MYO9A: variants seen among roughly 807,000 people sequenced by gnomAD.
The protein encoded by MYO9A is myosin IXA.
Under a neutral mutation model 293.3 loss-of-function variants are expected in MYO9A, and 103 were observed. The observed-to-expected ratio is 0.35, with a 90% CI of 0.30 to 0.41. The LOEUF (loss-of-function observed/expected upper bound fraction) is 0.41. MYO9A is among the 10% of genes least tolerant of loss of function. The probability of loss-of-function intolerance (pLI) is 1.00; values close to 1 mark genes in which losing one functional copy is unlikely to be tolerated. For synonymous variants in MYO9A, 1,001 were observed against 1,035.7 expected (o/e 0.97, Z 0.64); for missense variants, 2,685 against 3,033.0 (o/e 0.89, Z 2.69).
intron 13 of MYO9A, among the ~76,000 whole-genome samples, chr15:71,966,923 A>G (rs149280457): frequency 1.2e-3 from 177 of 152,186 alleles, no homozygotes; most frequent in African/African-American, 3.6e-3. Flanking sequence ...CCCCCTGTCT[A>G]TTCTCTAAGT....
chr15:71,966,265 A>AGTTGTGTGT (rs1555493719), intron 13 of MYO9A, among the ~76,000 whole-genome samples: 1 of 134,954 alleles, frequency 7.4e-6, no homozygotes, highest in East Asian at 2.2e-4. Flanking sequence ...ATCCCAGGCA[A>AGTTGTGTGT]GTGTGTGTGT....
At chr15:71,856,474 C>A (rs771646488) in intron 34 of MYO9A, among the ~76,000 whole-genome samples, 1 of 151,664 alleles carries the variant, frequency 6.6e-6, no homozygotes, top group Non-Finnish European at 1.5e-5. Context: ...TGATGTTCAA[C>A]CTTAGTGTTG....
chr15:71,830,959 A>G (rs1159978030), intron 39 of MYO9A, among the ~76,000 whole-genome samples: 1 of 142,532 alleles, frequency 7.0e-6, no homozygotes, highest in African/African-American at 2.6e-5. Flanking sequence ...TGAAAATCTC[A>G]TTGCTGCTTC....
At chr15:72,048,225 C>A (rs987221264) in intron 1 of MYO9A, among the ~76,000 whole-genome samples, 6 of 151,652 alleles carry the variant, frequency 4.0e-5, no homozygotes, top group African/African-American at 1.5e-4. Context: ...CATGGTGAAA[C>A]CCTGTCTGTA....
intron 1 of MYO9A, among the ~76,000 whole-genome samples, chr15:72,088,817 C>A (rs998282367): frequency 1.2e-4 from 19 of 152,222 alleles, no homozygotes; most frequent in Non-Finnish European, 2.2e-4. Flanking sequence ...CTTAAAAAAA[C>A]TGCTCTTCAA....
At chr15:71,875,385 T>C (rs1162022406) in intron 32 of MYO9A, among the ~76,000 whole-genome samples, 4 of 152,136 alleles carry the variant, frequency 2.6e-5, no homozygotes, top group Non-Finnish European at 4.4e-5. Context: ...ATTGTGTGAT[T>C]GTATATAAAC....
intron 24 of MYO9A, among the ~76,000 whole-genome samples, chr15:71,899,324 A>C (rs2057417803): frequency 6.6e-6 from 1 of 151,900 alleles, no homozygotes; most frequent in Non-Finnish European, 1.5e-5. Context: ...ACCTCAAATT[A>C]AAGTGAAATT....
At chr15:72,069,589 C>T (rs1000263328) in intron 1 of MYO9A, among the ~76,000 whole-genome samples, 1 of 152,016 alleles carries the variant, frequency 6.6e-6, no homozygotes, top group East Asian at 1.9e-4. Flanking sequence ...TAATTTGTGA[C>T]AAACCACTTA....
intron 37 of MYO9A, among the ~76,000 whole-genome samples, chr15:71,850,765 C>CA (rs780727961): frequency 0.022 from 987 of 44,078 alleles, 255 homozygotes; most frequent in Non-Finnish European, 0.029. Context: ...AACTGTGTCT[C>CA]AAAAAAAAAA....
chr15:71,895,653 CA>C (rs1453075757), intron 25 of MYO9A, among the ~76,000 whole-genome samples: 2 of 152,002 alleles, frequency 1.3e-5, no homozygotes, highest in Non-Finnish European at 2.9e-5. Flanking sequence ...ACTTATACAA[CA>C]GGATGAGATT....
intron 30 of MYO9A, 63 bp from the exon 31 acceptor site, chr15:71,878,294 G>C: frequency 8.6e-7 from 1 of 1,160,054 alleles, no homozygotes; most frequent in Non-Finnish European, 1.2e-6. Context: ...ATAGAGGAAA[G>C]ATTACACTTG....
chr15:72,040,304 G>A (rs1477201756), intron 2 of MYO9A: 5 of 152,214 alleles, frequency 3.3e-5, no homozygotes, highest in African/African-American at 1.2e-4. Context: ...TTCTTTAGAG[G>A]GGAGAATGAG....
intron 1 of MYO9A, among the ~76,000 whole-genome samples, chr15:72,079,231 C>T (rs2079464992): frequency 6.6e-6 from 1 of 151,882 alleles, no homozygotes; most frequent in South Asian, 2.1e-4. Flanking sequence ...AGGTGATATC[C>T]GGAAACTCCG....
intron 19 of MYO9A, among the ~76,000 whole-genome samples, chr15:71,908,838 T>C (rs139602610): frequency 1.3e-4 from 20 of 152,326 alleles, no homozygotes; most frequent in African/African-American, 4.3e-4. Context: ...AACAAATATA[T>C]AGACATTTAT....
chr15:72,105,487 G>A (rs552687027), intron 1 of MYO9A, among the ~76,000 whole-genome samples: 12 of 146,968 alleles, frequency 8.2e-5, no homozygotes, highest in South Asian at 2.2e-4. Flanking sequence ...TCAGCCTCCC[G>A]AAATGCTGGG....
rs191475907 is a variant in MYO9A at position 72,107,340 on chromosome 15, G to T, written c.-72+10340C>A. Among the ~76,000 whole-genome samples the T allele has an allele frequency of 5.3e-5, 8 of 152,248 alleles. No homozygotes were observed. In the East Asian group the frequency reaches 1.5e-3, roughly 29 times the overall value. On this transcript the variant is annotated intron_variant, in intron 1 of 41. Transcript: ENST00000356056. ...GAGGCAGGCAGATCACCTGAGGTCA[G>T]GAGTCCCAGACCAGCCTGGTCAACA...
At chr15:71,904,461 T>C (rs2057572834) in intron 20 of MYO9A, among the ~76,000 whole-genome samples, 1 of 152,226 alleles carries the variant, frequency 6.6e-6, no homozygotes, top group African/African-American at 2.4e-5. Context: ...AAGACCAGCC[T>C]GGCCAACATG....
chr15:71,899,908 A>C lies in MYO9A; in HGVS notation c.3249T>G (p.Ala1083=), dbSNP rs768859712. The change falls in exon 24 of 42, where the codon GCT becomes GCG. Residue 1083 remains alanine (A), a synonymous_variant. Coordinates refer to ENST00000356056, the MANE Select transcript of MYO9A (RefSeq NM_006901.4). ...VMASAAALLQ[A]SWRAHLERQR... Reference sequence around the variant, plus strand: ...GCCTCTCTAAGTGAGCACGCCAGGAAGCTTGGAGAAGAGCAGCTGCACTAG... The same window carrying C: ...GCCTCTCTAAGTGAGCACGCCAGGACGCTTGGAGAAGAGCAGCTGCACTAG... The C allele has an allele frequency of 3.7e-6, 6 of 1,613,992 alleles. No homozygotes were observed. The highest frequency in any genetic ancestry group is 4.2e-6 in the Non-Finnish European group (5 of 1,180,040).
At chr15:71,884,838 T>A (rs893475185) in intron 27 of MYO9A, among the ~76,000 whole-genome samples, 4 of 152,068 alleles carry the variant, frequency 2.6e-5, no homozygotes, top group African/African-American at 9.7e-5. Flanking sequence ...TCACAACTAC[T>A]GTGATAAACA....
Sources: allele counts gnomAD v4.1 joint callset (sites outside exome capture counted in the v4.1 genomes callset), GRCh38; gene constraint gnomAD v4.1.1; transcripts MANE v1.5; gene names NCBI Gene and HGNC (gene_info 2026-07-23, HGNC 2026-07-21).